Variants in GPSM2 observed in about 807,000 individuals in gnomAD.
The protein encoded by GPSM2 is G protein signaling modulator 2.
Under a neutral mutation model 78.4 loss-of-function variants are expected in GPSM2, and 58 were observed. The observed-to-expected ratio is 0.74, with a 90% CI of 0.60 to 0.92. The LOEUF is 0.92. Ranked by LOEUF, GPSM2 falls within the 40% of genes least tolerant of loss-of-function variation. GPSM2 has a pLI of 0.00. For missense variants in GPSM2, 700 were observed against 815.5 expected, an observed-to-expected ratio of 0.86 and a Z score of 1.73; for synonymous variants, 224 against 280.2, an observed-to-expected ratio of 0.80 and a Z score of 2.00.
intron 13 of GPSM2, among the ~76,000 whole-genome samples, chr1:108,923,225 G>A (rs1422715142): frequency 6.6e-6 from 1 of 151,956 alleles, no homozygotes; most frequent in East Asian, 1.9e-4. Flanking sequence ...GTGGAGATGA[G>A]GTCTTGCTGT....
At chr1:108,879,978 T>G (rs1665816461) in intron 1 of GPSM2, among the ~76,000 whole-genome samples, 1 of 152,188 alleles carries the variant, frequency 6.6e-6, no homozygotes, top group African/African-American at 2.4e-5. Flanking sequence ...CCCTTTTTCT[T>G]GAGCCATTCT....
intron 2 of GPSM2, among the ~76,000 whole-genome samples, chr1:108,891,838 AG>A (rs1405282868): frequency 1.3e-5 from 2 of 152,082 alleles, no homozygotes; most frequent in Admixed American, 1.3e-4. Context: ...AGTTTGATAA[AG>A]GTTAAAATCA....
chr1:108,905,936 C>T (rs1649184962), intron 10 of GPSM2, among the ~76,000 whole-genome samples: 1 of 152,178 alleles, frequency 6.6e-6, no homozygotes, highest in African/African-American at 2.4e-5. Flanking sequence ...GGCTATTGGA[C>T]AGCACAGCTC....
At chr1:108,894,697 C>CA (rs772689629) in intron 2 of GPSM2, among the ~76,000 whole-genome samples, 4 of 144,778 alleles carry the variant, frequency 2.8e-5, no homozygotes, top group East Asian at 2.0e-4. Context: ...GACTGTGTCT[C>CA]AAAAAAAAAG....
intron 7 of GPSM2, among the ~76,000 whole-genome samples, chr1:108,900,392 C>A (rs879806288): frequency 6.6e-6 from 1 of 152,130 alleles, no homozygotes; most frequent in African/African-American, 2.4e-5. Flanking sequence ...GTGTCTGCCA[C>A]CACGCCCAGC....
intron 2 of GPSM2, among the ~76,000 whole-genome samples, chr1:108,886,672 G>C (rs973177433): frequency 6.6e-6 from 1 of 152,118 alleles, no homozygotes; most frequent in Admixed American, 6.5e-5. Context: ...ATATATAATA[G>C]GTTATGCACA....
In GPSM2 at chr1:108,924,184, A is replaced by T. The variant is rs1650955529; in HGVS notation, c.1785A>T (p.Glu595Asp). Residue 595 changes from glutamate (E) to aspartate (D), a missense_variant, in exon 14 of 15, where the codon GAA (glutamate) becomes GAT (aspartate). Physicochemically the swap from Glu to Asp is conservative, Grantham distance 45 (BLOSUM62 2). Coordinates refer to ENST00000264126, the MANE Select transcript of GPSM2 (RefSeq NM_013296.5). ...LMTNDNKEAD[E>D]DFFDILVKCQ... ...CTAATGACAACAAAGAGGCTGATGA[A>T]GATTTCTTTGACATCCTTGTAAAAT... 4 of 1,613,036 alleles carry T rather than the reference A, an allele frequency of 2.5e-6. No homozygotes were observed. The South Asian group carries it at 4.4e-5, about 18-fold the overall frequency.
intron 14 of GPSM2, among the ~76,000 whole-genome samples, chr1:108,928,501 G>A (rs1228935647): frequency 6.6e-6 from 1 of 152,228 alleles, no homozygotes; most frequent in Non-Finnish European, 1.5e-5. Flanking sequence ...TGCACCCTCT[G>A]AGGGTTGTGG....
At chr1:108,916,038 T>C (rs1440781051) in intron 11 of GPSM2, among the ~76,000 whole-genome samples, 1 of 149,804 alleles carries the variant, frequency 6.7e-6, no homozygotes, top group East Asian at 1.9e-4. Flanking sequence ...ACCCCAGAGT[T>C]TGAGACCAGC....
Position 108,930,048 on chromosome 1 carries a change from T to C in GPSM2, c.*108T>C. 1 of 1,016,222 alleles carries C rather than the reference T, an allele frequency of 9.8e-7. No individual in the cohort carries two copies. Among genetic ancestry groups the C allele is most frequent in the Non-Finnish European group, 1.5e-6 (1 of 677,866 alleles). The allele number at this position is 1,016,222 out of a possible 1,614,324, so 63.0% of individuals were successfully genotyped here. On this transcript the variant is annotated 3_prime_UTR_variant, in exon 15 of 15. Coordinates refer to ENST00000264126, the MANE Select transcript of GPSM2 (RefSeq NM_013296.5). The stretch of plus-strand genomic sequence containing the variant: ...CACTGTAATACAGCTTAAAATATTT[T>C]TAGAATGATGTAAATAGTTAACCTT...
chr1:108,929,509 A>G, intron 14 of GPSM2, 192 bp from the exon 15 acceptor site: 1 of 616,394 alleles, frequency 1.6e-6, no homozygotes, highest in Non-Finnish European at 2.8e-6. Flanking sequence ...ATGCAGTTTC[A>G]GGTTTAAAGA....
At chr1:108,900,290 A>T (rs1431151564) in intron 7 of GPSM2, among the ~76,000 whole-genome samples, 2 of 142,112 alleles carry the variant, frequency 1.4e-5, no homozygotes, top group African/African-American at 5.3e-5. Flanking sequence ...CCCAGGCTGG[A>T]GTGCAATGGC....
At position 108,930,538 on chromosome 1, in the gene GPSM2, G is replaced by A. The variant is rs112731274; in HGVS notation, c.*598G>A. The A allele has an allele frequency of 4.0e-3, 584 of 145,786 alleles. 2 individuals carry two copies. The highest frequency in any genetic ancestry group is 7.0e-3 in the Non-Finnish European group (463 of 66,576). 9.0% of individuals were successfully genotyped at this position (145,786 alleles called of 1,614,324 possible). A position where few individuals can be genotyped will look rare whatever the true frequency, so the allele number is the denominator to read the frequency against. ...ATTGGGAGGCTGAGGCAGGAGGATCGCTTGAGGCTAGGAGTTCAAGACCAA... is the reference window on the plus strand; with the variant it reads ...ATTGGGAGGCTGAGGCAGGAGGATCACTTGAGGCTAGGAGTTCAAGACCAA... On this transcript the variant is annotated 3_prime_UTR_variant, in exon 15 of 15. Coordinates refer to ENST00000264126, the MANE Select transcript of GPSM2 (RefSeq NM_013296.5).
intron 1 of GPSM2, chr1:108,877,566 A>G (rs1404019274): frequency 8.0e-5 from 12 of 149,614 alleles, no homozygotes; most frequent in African/African-American, 2.5e-4. Context: ...ACTTCTTACC[A>G]CTCTGAATGT....
In GPSM2 at chr1:108,929,706, C is replaced by T. The variant is rs1285332447; in HGVS notation, c.1821C>T (p.Ser607=). 1 of 1,612,930 alleles carries T rather than the reference C, an allele frequency of 6.2e-7. No homozygotes were observed. Among genetic ancestry groups the T allele is most frequent in the Non-Finnish European group, 8.5e-7 (1 of 1,179,190 alleles). Residue 607 remains serine (S), a synonymous_variant, in exon 15 of 15, where the codon TCC becomes TCT. Coordinates refer to ENST00000264126, the MANE Select transcript of GPSM2 (RefSeq NM_013296.5). The part of the protein sequence containing the change: ...FFDILVKCQG[S]RLDDQRCAPP... Reference sequence around the variant, plus strand: ...TCTCTCTCATAAACTTCTAGGGATCCAGATTAGATGATCAAAGATGTGCTC... The same window carrying T: ...TCTCTCTCATAAACTTCTAGGGATCTAGATTAGATGATCAAAGATGTGCTC...
Position 108,924,024 on chromosome 1 carries a change from C to T in GPSM2, c.1625C>T (p.Pro542Leu). 1 of 1,610,866 alleles carries T rather than the reference C, an allele frequency of 6.2e-7. No homozygotes were observed. Among genetic ancestry groups the T allele is most frequent in the Non-Finnish European group, 8.5e-7 (1 of 1,177,160 alleles). ...GCATCATCTGTTCCTGTGGTATCCC[C>T]CAACACGGATGAGTTTTTAGATCTT... ...LKTSSVPVVS[P>L]NTDEFLDLLA... is the part of the protein sequence containing the mutation. Residue 542 changes from proline to leucine, a missense_variant, in exon 14 of 15, where the codon CCC (proline) becomes CTC (leucine). Transcript: ENST00000264126.
intron 13 of GPSM2, among the ~76,000 whole-genome samples, chr1:108,922,855 T>C (rs926025849): frequency 1.3e-5 from 2 of 152,030 alleles, no homozygotes; most frequent in Non-Finnish European, 2.9e-5. Flanking sequence ...GTGAGCCAGG[T>C]GTGGTGGTGC....
intron 12 of GPSM2, among the ~76,000 whole-genome samples, chr1:108,920,330 G>A (rs911228828): frequency 3.3e-5 from 5 of 151,972 alleles, no homozygotes; most frequent in African/African-American, 1.2e-4. Flanking sequence ...TTAGCTGGGC[G>A]TGTTGGCACA....
chr1:108,882,835 A>C (rs1402667162), intron 1 of GPSM2, among the ~76,000 whole-genome samples: 1 of 152,230 alleles, frequency 6.6e-6, no homozygotes, highest in Non-Finnish European at 1.5e-5. Context: ...TCTGAACAAA[A>C]GGAAAAGAGA....
Sources: allele counts gnomAD v4.1 joint callset (sites outside exome capture counted in the v4.1 genomes callset), GRCh38; gene constraint gnomAD v4.1.1; transcripts MANE v1.5; gene names NCBI Gene and HGNC (gene_info 2026-07-23, HGNC 2026-07-21).